AHRR: variants seen among roughly 807,000 people sequenced by gnomAD.
AHRR encodes aryl hydrocarbon receptor repressor.
In AHRR, 28 loss-of-function variants were observed where a neutral mutation model predicts 44.0. The ratio of observed to expected loss-of-function variants is 0.64; its 90% confidence interval spans 0.47 to 0.87. The LOEUF (loss-of-function observed/expected upper bound fraction) is 0.87. Ranked by LOEUF, AHRR falls within the 40% of genes least tolerant of loss-of-function variation. The pLI is 0.00. For synonymous variants in AHRR, 434 were observed against 407.0 expected (o/e 1.07, Z -0.80); for missense variants, 990 against 953.9 (o/e 1.04, Z -0.50).
At chr5:431,964 T>A (rs76100870) in intron 8 of AHRR, 3,035 of 157,624 alleles carry the variant, frequency 0.019, 102 homozygotes, top group African/African-American at 0.069. Context: ...TTACTGTTTC[T>A]CTTTTGAAAA....
chr5:415,315 C>T (rs1440378399), intron 5 of AHRR, among the ~76,000 whole-genome samples: 2 of 146,700 alleles, frequency 1.4e-5, no homozygotes, highest in Non-Finnish European at 3.0e-5. Flanking sequence ...GGGTGGGAGG[C>T]CTAGGGGCCG....
intron 3 of AHRR, among the ~76,000 whole-genome samples, chr5:376,223 G>A (rs1030317670): frequency 6.6e-6 from 1 of 152,094 alleles, no homozygotes; most frequent in Admixed American, 6.5e-5. Flanking sequence ...CCTCCTGGGT[G>A]GCTTCAGGGG....
intron 4 of AHRR, among the ~76,000 whole-genome samples, chr5:398,983 C>T (rs913146999): frequency 1.3e-5 from 2 of 152,258 alleles, no homozygotes; most frequent in Middle Eastern, 3.2e-3. Context: ...ACCAAGCAGC[C>T]GCAGCTCCCG....
chr5:368,316 G>A (rs192837402), intron 3 of AHRR, among the ~76,000 whole-genome samples: 105 of 152,286 alleles, frequency 6.9e-4, no homozygotes, highest in African/African-American at 2.2e-3. Flanking sequence ...GGGCCAGGGC[G>A]CTCCCTGGCT....
chr5:412,801 A>G (rs1182581178), intron 4 of AHRR, among the ~76,000 whole-genome samples: 2 of 145,528 alleles, frequency 1.4e-5, no homozygotes, highest in East Asian at 2.0e-4. Flanking sequence ...GCTCGCTGCA[A>G]CCTCCACCTC....
intron 8 of AHRR, among the ~76,000 whole-genome samples, chr5:431,237 G>A (rs551432225): frequency 3.9e-5 from 6 of 152,336 alleles, no homozygotes; most frequent in African/African-American, 9.6e-5. Context: ...GTGTGGGGCC[G>A]AAGGTCACAG....
chr5:350,869 T>G (rs1247050194), intron 2 of AHRR, among the ~76,000 whole-genome samples: 1 of 149,486 alleles, frequency 6.7e-6, no homozygotes, highest in Non-Finnish European at 1.5e-5. Flanking sequence ...AAGGGCCTGG[T>G]ATCCAGAGTA....
In AHRR at chr5:370,500, G is replaced by A. The variant is rs1244953508; in HGVS notation, c.245-6110G>A. 6.6e-6 allele frequency among the ~76,000 whole-genome samples: 1 copy of A among 152,126 alleles called. No individual in the cohort carries two copies. Among genetic ancestry groups the A allele is most frequent in the African/African-American group, 2.4e-5 (1 of 41,432 alleles). On this transcript the variant is annotated intron_variant, in intron 3 of 10. Transcript: ENST00000684583. This position sits in a 1 kb window ranked among gnomAD's most constrained non-coding sequence, Gnocchi z 4.5. The stretch of plus-strand genomic sequence containing the variant: ...GGGGTGAGTGAAATCAGGTTCAAGG[G>A]AAATTTTCACCAAGGTCATCCGCCA...
chr5:425,260 C>A (rs1404029184), intron 7 of AHRR, among the ~76,000 whole-genome samples: 1 of 152,248 alleles, frequency 6.6e-6, no homozygotes, highest in Non-Finnish European at 1.5e-5. Context: ...GATCTGTTGC[C>A]ACGCACACGC....
intron 4 of AHRR, among the ~76,000 whole-genome samples, chr5:398,040 C>T (rs1734825964): frequency 6.9e-6 from 1 of 143,954 alleles, no homozygotes; most frequent in Non-Finnish European, 1.5e-5. Flanking sequence ...CCTGACCATC[C>T]ATGTTAGCCC....
At chr5:429,111 C>T (rs1384897238) in intron 8 of AHRR, among the ~76,000 whole-genome samples, 2 of 152,250 alleles carry the variant, frequency 1.3e-5, no homozygotes, top group South Asian at 4.1e-4. Context: ...TGTGTTAAGT[C>T]TGCCTTGCGT....
chr5:367,762 G>C (rs763621747), intron 3 of AHRR: 33 of 684,528 alleles, frequency 4.8e-5, no homozygotes, highest in Non-Finnish European at 8.0e-5. Flanking sequence ...TGCTTAACTC[G>C]TGTGTTGCTG....
At chr5:380,437 C>G (rs189083239) in intron 4 of AHRR, among the ~76,000 whole-genome samples, 149 of 152,228 alleles carry the variant, frequency 9.8e-4, no homozygotes, top group African/African-American at 3.5e-3. Context: ...GGCATTTGAA[C>G]AATACTGACT....
At chr5:345,488 ATG>A (rs1742628523) in intron 2 of AHRR, among the ~76,000 whole-genome samples, 1 of 25,080 alleles carries the variant, frequency 4.0e-5, no homozygotes, top group Non-Finnish European at 7.8e-5. Context: ...GTGTGTGGGG[ATG>A]TGTGTATGTG....
chr5:337,998 C>A lies in AHRR; in HGVS notation c.-10-5895C>A, dbSNP rs759396865. 1.8e-4 allele frequency among the ~76,000 whole-genome samples: 28 copies of A among 152,190 alleles called. No homozygotes were observed. The highest frequency in any genetic ancestry group is 2.5e-4 in the Non-Finnish European group (17 of 68,034). On this transcript the variant is annotated intron_variant, in intron 1 of 10. Coordinates refer to ENST00000684583, the MANE Select transcript of AHRR (RefSeq NM_001377236.1). This position sits in a 1 kb window ranked among gnomAD's most constrained non-coding sequence, Gnocchi z 4.1. The stretch of plus-strand genomic sequence containing the variant: ...AAGACTGCGGCTTATTAATGCAGAT[C>A]AGGCAGGATGGAGAGTCTGGAGCCT...
intron 2 of AHRR, among the ~76,000 whole-genome samples, chr5:353,092 G>A (rs767832960): frequency 5.9e-5 from 9 of 152,158 alleles, no homozygotes; most frequent in Admixed American, 4.6e-4. Context: ...GAGCAGGCCT[G>A]CTCTGGCTTA....
chr5:428,900 C>G (rs1736589844), intron 8 of AHRR, among the ~76,000 whole-genome samples: 1 of 151,576 alleles, frequency 6.6e-6, no homozygotes, highest in Non-Finnish European at 1.5e-5. Context: ...CATGCCCCAG[C>G]TGAGCTGACA....
intron 9 of AHRR, 78 bp from the exon 10 acceptor site, chr5:432,728 G>A: frequency 2.5e-6 from 4 of 1,609,734 alleles, no homozygotes; most frequent in Non-Finnish European, 3.4e-6. Flanking sequence ...GTCCTGCCTT[G>A]CTGAGAACAA....
intron 7 of AHRR, among the ~76,000 whole-genome samples, chr5:426,116 C>T (rs1289103315): frequency 6.6e-6 from 1 of 152,260 alleles, no homozygotes; most frequent in Non-Finnish European, 1.5e-5. Context: ...AAACATTTCC[C>T]AGCACACCGC....
Sources: gnomAD v4.1 joint callset for allele counts (sites outside exome capture counted in the v4.1 genomes callset) on GRCh38, gnomAD v4.1.1 for gene constraint, Gnocchi (gnomAD v3.1) non-coding constraint, MANE v1.5 for transcripts, NCBI Gene and HGNC (gene_info 2026-07-23, HGNC 2026-07-21) for gene names.